Variants in GRM7 observed in about 807,000 individuals in gnomAD.
GRM7 encodes metabotropic glutamate receptor 7.
In GRM7, 35 loss-of-function variants were observed where a neutral mutation model predicts 84.5. That is an observed-to-expected ratio of 0.41 (90% CI 0.32 to 0.55). GRM7 has a LOEUF of 0.55. Ranked by LOEUF, GRM7 falls within the 20% of genes least tolerant of loss-of-function variation. The pLI is 0.19. For missense variants in GRM7, 1,003 were observed against 1,194.6 expected (o/e 0.84, Z 2.36); for synonymous variants, 487 against 455.1 (o/e 1.07, Z -0.89).
intron 8 of GRM7, among the ~76,000 whole-genome samples, chr3:7,622,131 T>C (rs981479140): frequency 1.3e-5 from 2 of 152,178 alleles, no homozygotes; most frequent in African/African-American, 2.4e-5. Flanking sequence ...ATTCCAGGGC[T>C]ATTCCTGTCC....
rs538771166 is a variant in GRM7, at chr3:7,060,265, G to T, written c.520-86187G>T. 3.3e-5 allele frequency among the ~76,000 whole-genome samples: 5 copies of T among 151,876 alleles called. No homozygotes were observed. In the South Asian group the frequency reaches 8.3e-4, roughly 25 times the overall value. On this transcript the variant is annotated intron_variant, in intron 1 of 9. Coordinates refer to ENST00000357716, the MANE Select transcript of GRM7 (RefSeq NM_000844.4). ...CAGATCCTACCGATCTTTGCATTCAGTTTGCTGTGGTTTGGTATAAAGCTA... is the reference window on the plus strand; with the variant it reads ...CAGATCCTACCGATCTTTGCATTCATTTTGCTGTGGTTTGGTATAAAGCTA...
chr3:7,307,116 T>C (rs1700221995), intron 4 of GRM7, among the ~76,000 whole-genome samples: 1 of 152,108 alleles, frequency 6.6e-6, no homozygotes, highest in Non-Finnish European at 1.5e-5. Context: ...ACACCACCTC[T>C]CTCAGGCACC....
At chr3:7,256,750 A>G (rs1476170012) in intron 2 of GRM7, among the ~76,000 whole-genome samples, 1 of 152,218 alleles carries the variant, frequency 6.6e-6, no homozygotes, top group African/African-American at 2.4e-5. Context: ...GCAAAGATGA[A>G]TAAGTATGGT....
chr3:7,361,159 T>C (rs1693645138), intron 4 of GRM7, among the ~76,000 whole-genome samples: 1 of 152,168 alleles, frequency 6.6e-6, no homozygotes, highest in South Asian at 2.1e-4. Context: ...GTCTGTCTTC[T>C]GGATCCAAGA....
At chr3:7,383,897 T>A (rs941524279) in intron 4 of GRM7, among the ~76,000 whole-genome samples, 9 of 152,180 alleles carry the variant, frequency 5.9e-5, no homozygotes, top group African/African-American at 1.9e-4. Context: ...CTTCGTGGAG[T>A]TTACCTTTTT....
intron 2 of GRM7, among the ~76,000 whole-genome samples, chr3:7,182,936 T>C (rs1004609995): frequency 2.1e-5 from 3 of 140,968 alleles, no homozygotes; most frequent in African/African-American, 7.7e-5. Context: ...GACAGTGGAC[T>C]GGAACTTTTA....
chr3:7,673,628 A>G (rs973936758), intron 8 of GRM7, among the ~76,000 whole-genome samples: 2 of 152,196 alleles, frequency 1.3e-5, no homozygotes, highest in African/African-American at 4.8e-5. Context: ...TTTACCTGAT[A>G]AAAAGTGACC....
intron 8 of GRM7, among the ~76,000 whole-genome samples, chr3:7,649,404 T>TTAAG (rs1488265814): frequency 6.6e-6 from 1 of 152,186 alleles, no homozygotes; most frequent in African/African-American, 2.4e-5. Context: ...CAAATTTTCT[T>TTAAG]TAAGTTACTG....
chr3:7,115,048 G>A (rs114460873), intron 1 of GRM7, among the ~76,000 whole-genome samples: 1,611 of 152,232 alleles, frequency 0.011, 19 homozygotes, highest in African/African-American at 0.037. Context: ...ATTTTCATGT[G>A]TCATTTTTGC....
chr3:7,307,137 C>T (rs1700222491), intron 4 of GRM7, among the ~76,000 whole-genome samples: 1 of 152,160 alleles, frequency 6.6e-6, no homozygotes, highest in Non-Finnish European at 1.5e-5. Context: ...AGCATCCCCT[C>T]ACCTTCCTAG....
At chr3:7,371,195 G>T (rs1455639288) in intron 4 of GRM7, among the ~76,000 whole-genome samples, 2 of 152,146 alleles carry the variant, frequency 1.3e-5, no homozygotes, top group Non-Finnish European at 2.9e-5. Context: ...ACAATAGAGT[G>T]ACGTAGAAGA....
At chr3:7,442,436 A>G (rs1202342184) in intron 5 of GRM7, among the ~76,000 whole-genome samples, 2 of 152,148 alleles carry the variant, frequency 1.3e-5, no homozygotes, top group Admixed American at 6.6e-5. Flanking sequence ...TTTCCTATTT[A>G]GATGCCTTTT....
chr3:7,021,187 C>A (rs1365006171), intron 1 of GRM7, among the ~76,000 whole-genome samples: 1 of 152,058 alleles, frequency 6.6e-6, no homozygotes, highest in Non-Finnish European at 1.5e-5. Flanking sequence ...TTGTATGTTC[C>A]CAGTGACATT....
intron 1 of GRM7, among the ~76,000 whole-genome samples, chr3:6,916,060 C>A (rs964498737): frequency 4.4e-4 from 67 of 152,160 alleles, no homozygotes; most frequent in African/African-American, 1.6e-3. Flanking sequence ...GTTGATGTTG[C>A]AGCCAACCAA....
At chr3:7,521,748 T>A (rs1700602968) in intron 7 of GRM7, among the ~76,000 whole-genome samples, 2 of 152,134 alleles carry the variant, frequency 1.3e-5, no homozygotes, top group South Asian at 4.2e-4. Flanking sequence ...CAGGTCTGCC[T>A]CTCAGATACT....
intron 1 of GRM7, among the ~76,000 whole-genome samples, chr3:6,934,355 C>T (rs1315839881): frequency 6.6e-6 from 1 of 152,096 alleles, no homozygotes; most frequent in East Asian, 1.9e-4. Flanking sequence ...CAGGGCTGTA[C>T]TGGGCACAGA....
chr3:7,683,892 T>C (rs1284887743), intron 9 of GRM7, among the ~76,000 whole-genome samples: 1 of 152,074 alleles, frequency 6.6e-6, no homozygotes, highest in Admixed American at 6.6e-5. Context: ...ACATTGGATA[T>C]AGCTCCCAAA....
At chr3:7,426,135 T>C (rs940823854) in intron 5 of GRM7, among the ~76,000 whole-genome samples, 1 of 152,128 alleles carries the variant, frequency 6.6e-6, no homozygotes, top group African/African-American at 2.4e-5. Context: ...TCTTTTTTTT[T>C]TGAGATGGAG....
chr3:7,416,657 A>G (rs1365636320), intron 5 of GRM7, among the ~76,000 whole-genome samples: 6 of 152,156 alleles, frequency 3.9e-5, no homozygotes, highest in African/African-American at 1.2e-4. Flanking sequence ...AGTATGATGC[A>G]TATATTAAAG....
Sources: gnomAD v4.1 joint callset for allele counts (sites outside exome capture counted in the v4.1 genomes callset) on GRCh38, gnomAD v4.1.1 for gene constraint, MANE v1.5 for transcripts, NCBI Gene and HGNC (gene_info 2026-07-23, HGNC 2026-07-21) for gene names.